Variants in PSME4 observed in about 807,000 individuals in gnomAD.
PSME4 encodes proteasome activator complex subunit 4.
Under a neutral mutation model 253.9 loss-of-function variants are expected in PSME4, and 89 were observed. The ratio of observed to expected loss-of-function variants is 0.35; its 90% CI spans 0.30 to 0.42. The LOEUF is 0.42. Ranked by LOEUF, PSME4 falls within the 10% of genes least tolerant of loss-of-function variation. The pLI, the probability that PSME4 is intolerant of heterozygous loss-of-function variation, is 1.00. For synonymous variants in PSME4, 851 were observed against 759.2 expected (o/e 1.12, Z -1.99); for missense variants, 2,014 against 2,195.2 (o/e 0.92, Z 1.65).
intron 1 of PSME4, among the ~76,000 whole-genome samples, chr2:53,954,539 T>C (rs576645890): frequency 2.0e-5 from 3 of 151,982 alleles, no homozygotes; most frequent in Admixed American, 6.6e-5. Context: ...AGCAATACTA[T>C]CTTGAGTAAA....
intron 1 of PSME4, among the ~76,000 whole-genome samples, chr2:53,968,274 CAAAAAAAA>C (rs575802007): frequency 1.1e-5 from 1 of 95,216 alleles, no homozygotes; most frequent in Non-Finnish European, 2.1e-5. Flanking sequence ...GACTCCACCT[CAAAAAAAA>C]AAAAAAAAAG....
At chr2:53,921,147 G>A (rs1454131669) in intron 17 of PSME4, 43 bp from the exon 18 acceptor site, 2 of 1,608,070 alleles carry the variant, frequency 1.2e-6, no homozygotes, top group Admixed American at 3.4e-5. Flanking sequence ...TTGGTTAAAA[G>A]AACAAGAACC....
intron 43 of PSME4, among the ~76,000 whole-genome samples, chr2:53,871,482 C>CT (rs1471990354): frequency 4.6e-5 from 7 of 151,328 alleles, no homozygotes; most frequent in Non-Finnish European, 1.0e-4. Flanking sequence ...TCTCGATCTC[C>CT]TGACCTCGTG....
intron 3 of PSME4, among the ~76,000 whole-genome samples, chr2:53,947,465 G>A (rs550383641): frequency 5.3e-5 from 8 of 152,298 alleles, no homozygotes; most frequent in African/African-American, 1.9e-4. Flanking sequence ...CAGCACTTTG[G>A]GAGGCTGAGG....
intron 20 of PSME4, among the ~76,000 whole-genome samples, chr2:53,913,458 C>T (rs183933209): frequency 2.9e-4 from 44 of 152,276 alleles, no homozygotes; most frequent in African/African-American, 9.6e-4. Context: ...TGTCATGAAA[C>T]AGCTGTAAAC....
intron 28 of PSME4, 23 bp from the exon 29 acceptor site, chr2:53,900,040 G>T (rs1193517313): frequency 6.3e-7 from 1 of 1,597,618 alleles, no homozygotes; most frequent in African/African-American, 1.4e-5. Flanking sequence ...AAAAAAGCAG[G>T]AAAAAAAATG....
At chr2:53,916,579 G>A (rs1004024143) in intron 20 of PSME4, among the ~76,000 whole-genome samples, 3 of 152,062 alleles carry the variant, frequency 2.0e-5, no homozygotes, top group African/African-American at 4.8e-5. Flanking sequence ...GTATGAATTC[G>A]TATCACAGAA....
chr2:53,916,868 A>C (rs1668084808), intron 20 of PSME4, among the ~76,000 whole-genome samples: 1 of 152,106 alleles, frequency 6.6e-6, no homozygotes, highest in Non-Finnish European at 1.5e-5. Flanking sequence ...GAACTTGCAA[A>C]AGTCAAAGGA....
intron 15 of PSME4, 28 bp from the exon 16 acceptor site, chr2:53,923,146 T>C (rs769588446): frequency 6.4e-7 from 1 of 1,570,920 alleles, no homozygotes; most frequent in East Asian, 2.3e-5. Context: ...TAAGTAAGGC[T>C]TTTTTGAAAG....
In PSME4 at chr2:53,949,283, T is replaced by C. The variant is rs1669862767; in HGVS notation, c.243A>G (p.Thr81=). The part of the protein sequence containing the change: ...GGLFWTRKLS[T]YIRLYGRKFS... ...ATTTTCTCCCATAAAGTCGAATATA[T>C]CTGCAAGAGAAAAATAGATATACCC... is the stretch of plus-strand genomic sequence containing the variant. The change falls in exon 2 of 47, where the codon ACA becomes ACG. Residue 81 remains threonine (T), a splice_region_variant and synonymous_variant. Transcript: ENST00000404125. 2 of 1,570,808 alleles carry C rather than the reference T, an allele frequency of 1.3e-6. No individual in the cohort carries two copies. Among genetic ancestry groups the C allele is most frequent in the Non-Finnish European group, 1.7e-6 (2 of 1,148,982 alleles).
At chr2:53,869,673 G>T in intron 43 of PSME4, 135 bp from the exon 44 acceptor site, 1 of 592,306 alleles carries the variant, frequency 1.7e-6, no homozygotes, top group Non-Finnish European at 2.7e-6. Flanking sequence ...CTCTTTGGCA[G>T]TTTCTTAATA....
chr2:53,872,354 T>C (rs969274669), intron 43 of PSME4, among the ~76,000 whole-genome samples: 2 of 152,210 alleles, frequency 1.3e-5, no homozygotes, highest in South Asian at 2.1e-4. Context: ...TTCCCCATAC[T>C]ATCAACGAAC....
chr2:53,941,469 G>A lies in PSME4; in HGVS notation c.501-1469C>T, dbSNP rs931016100. Among the ~76,000 whole-genome samples the A allele has an allele frequency of 5.3e-5, 8 of 151,688 alleles. No individual in the cohort carries two copies. The East Asian group carries it at 9.7e-4, about 18-fold the overall frequency. ...ACAGGGCAAACTTCTATCCAACTAC[G>A]TTTAAAGCTCCCTGAAGACCACAGC... On this transcript the variant is annotated intron_variant, in intron 3 of 46. Coordinates refer to ENST00000404125, the MANE Select transcript of PSME4 (RefSeq NM_014614.3).
chr2:53,908,792 T>G lies in PSME4; in HGVS notation c.2621A>C (p.Lys874Thr), dbSNP rs745911013. ...TGTACAGATACACTTACTAAGAAGTTTCCTTATAACTGTAGCAATTACTTC... is the reference window on the plus strand; with the variant it reads ...TGTACAGATACACTTACTAAGAAGTGTCCTTATAACTGTAGCAATTACTTC... ...HREVIATVIR[K>T]LLNHILDNSE... The change falls in exon 22 of 47, where the codon AAA (lysine) becomes ACA (threonine). Residue 874 changes from lysine to threonine, a missense_variant. Lys to Thr is a moderately conservative substitution (Grantham distance 78). Around this residue, in one of 4 missense-constraint regions of PSME4, gnomAD observed 989 missense variants for 1,021.1 expected, o/e 0.97. Coordinates refer to ENST00000404125, the MANE Select transcript of PSME4 (RefSeq NM_014614.3). 2.6e-5 allele frequency: 41 copies of G among 1,599,002 alleles called. No homozygotes were observed. The East Asian group carries it at 8.5e-4, about 33-fold the overall frequency.
chr2:53,934,784 C>T, intron 7 of PSME4, 57 bp from the exon 8 acceptor site: 1 of 1,358,090 alleles, frequency 7.4e-7, no homozygotes, highest in Non-Finnish European at 1.0e-6. Flanking sequence ...AATTCTTTAG[C>T]TTAGTAAGTG....
In PSME4 at chr2:53,869,221, T is replaced by C. The variant is rs1221065423; in HGVS notation, c.5263+155A>G. 1.3e-5 allele frequency: 9 copies of C among 668,876 alleles called. No individual in the cohort carries two copies. In the Admixed American group the frequency reaches 1.9e-4, roughly 14 times the overall value. The allele number at this position is 668,876 out of a possible 1,614,324, so 41.4% of individuals were successfully genotyped here. On this transcript the variant is annotated intron_variant, in intron 44 of 46. Transcript: ENST00000404125. ...TTTCTACATTCCAAGTCCTGCTTTC[T>C]ATATGCAAAACTCCTCAAAAGTAGG...
At chr2:53,884,220 CT>C (rs1433965942) in intron 41 of PSME4, among the ~76,000 whole-genome samples, 6 of 151,690 alleles carry the variant, frequency 4.0e-5, no homozygotes, top group African/African-American at 4.8e-5. Context: ...CTTTTCTTTT[CT>C]TTTTTTTCGA....
rs1328343263 is a variant in PSME4 at position 53,899,965 on chromosome 2, G to T, written c.3338C>A (p.Pro1113His). The change falls in exon 29 of 47, where the codon CCC becomes CAC. Residue 1113 changes from proline (P) to histidine (H), a missense_variant. Physicochemically the swap from Pro to His is moderately conservative, Grantham distance 77. Around this residue, in one of 4 missense-constraint regions of PSME4, gnomAD observed 989 missense variants for 1,021.1 expected, o/e 0.97. Coordinates refer to ENST00000404125, the MANE Select transcript of PSME4 (RefSeq NM_014614.3). ...IAELLQQSKN[P>H]SINQILLSPE... ...GCTAAGCAATATCTGGTTGATAGAGGGGTTTTTTGACTGTTGAAGTAATTC... is the reference window on the plus strand; with the variant it reads ...GCTAAGCAATATCTGGTTGATAGAGTGGTTTTTTGACTGTTGAAGTAATTC... 1 of 1,613,520 alleles carries T rather than the reference G, an allele frequency of 6.2e-7. No individual in the cohort carries two copies. The highest frequency in any genetic ancestry group is 2.2e-5 in the East Asian group (1 of 44,866).
intron 1 of PSME4, among the ~76,000 whole-genome samples, chr2:53,965,607 TG>T (rs751241528): frequency 2.4e-4 from 36 of 150,832 alleles, no homozygotes; most frequent in Non-Finnish European, 3.4e-4. Context: ...TTTTAATGAG[TG>T]GGGTTTTAAT....
Sources: gnomAD v4.1 joint callset for allele counts (sites outside exome capture counted in the v4.1 genomes callset) on GRCh38, gnomAD v4.1.1 for gene constraint, gnomAD v4.1.1 regional missense constraint, MANE v1.5 for transcripts, NCBI Gene and HGNC (gene_info 2026-07-23, HGNC 2026-07-21) for gene names.